The following TRPS1 variants were observed in gnomAD, a reference collection of about 807,000 sequenced individuals.
The protein encoded by TRPS1 is transcriptional repressor GATA binding 1.
Under a neutral mutation model 101.2 loss-of-function variants are expected in TRPS1, and 6 were observed. That is an observed-to-expected ratio of 0.06 (90% CI 0.03 to 0.12). The LOEUF (loss-of-function observed/expected upper bound fraction) is 0.12. Ranked by LOEUF, TRPS1 falls within the 10% of genes least tolerant of loss-of-function variation. TRPS1 has a pLI of 1.00. For synonymous variants in TRPS1, 578 were observed against 589.8 expected (o/e 0.98, Z 0.29); for missense variants, 1,363 against 1,567.0 (o/e 0.87, Z 2.20).
At chr8:115,590,879 A>G (rs1467059461) in intron 4 of TRPS1, among the ~76,000 whole-genome samples, 3 of 152,100 alleles carry the variant, frequency 2.0e-5, no homozygotes, top group African/African-American at 7.2e-5. Context: ...CACATTCCGT[A>G]CTGTTTCTGC....
intron 5 of TRPS1, among the ~76,000 whole-genome samples, chr8:115,432,314 T>C (rs1180637): frequency 1 from 151,850 of 151,850 alleles, 75,925 homozygotes; most frequent in Non-Finnish European, 1. Flanking sequence ...TTTGTACTCT[T>C]TGAAAGAAAT....
At position 115,604,431 on chromosome 8, in the gene TRPS1, T is replaced by C; in HGVS notation, c.1538A>G (p.Lys513Arg). The part of the protein sequence containing the change: ...SEGETMTKTD[K>R]SSSGAKKKDF... ...CTTCTTTTTAGCCCCACTCGAGCTC[T>C]TGTCTGTCTTGGTCATTGTCTCTCC... Residue 513 changes from lysine (K) to arginine (R), a missense_variant, in exon 4 of 7, where the codon AAG becomes AGG. Transcript: ENST00000395715. This position sits in a 1 kb window ranked among gnomAD's most constrained non-coding sequence, Gnocchi z 4.1. The C allele has an allele frequency of 6.8e-6, 11 of 1,614,120 alleles. No homozygotes were observed. The highest frequency in any genetic ancestry group is 9.3e-6 in the Non-Finnish European group (11 of 1,179,990).
chr8:115,638,128 C>A (rs1273812742), intron 1 of TRPS1, among the ~76,000 whole-genome samples: 3 of 152,150 alleles, frequency 2.0e-5, no homozygotes, highest in Non-Finnish European at 4.4e-5. Flanking sequence ...GGCTTCAACA[C>A]AACACACCTC....
rs1297123643 is a variant in TRPS1, at chr8:115,584,227, A to G, written c.2700+2774T>C. The stretch of plus-strand genomic sequence containing the variant: ...TACTTAATTCTTGATATCACTCTGT[A>G]TAGTATTTTTAAATGATTAAGTTTT... On this transcript the variant is annotated intron_variant, in intron 5 of 6. Coordinates refer to ENST00000395715, the MANE Select transcript of TRPS1 (RefSeq NM_014112.5). 2.6e-5 allele frequency among the ~76,000 whole-genome samples: 4 copies of G among 152,010 alleles called. No individual in the cohort carries two copies. In the Middle Eastern group the frequency reaches 9.6e-3, roughly 363 times the overall value.
chr8:115,498,305 A>C (rs1586334333), intron 5 of TRPS1, among the ~76,000 whole-genome samples: 1 of 150,048 alleles, frequency 6.7e-6, no homozygotes, highest in Admixed American at 6.7e-5. Context: ...CTGAGCCTCT[A>C]AAGTCTATGC....
intron 5 of TRPS1, among the ~76,000 whole-genome samples, chr8:115,434,644 C>T (rs972278901): frequency 6.6e-6 from 1 of 152,070 alleles, no homozygotes; most frequent in African/African-American, 2.4e-5. Flanking sequence ...GTGTGATTCG[C>T]CCTTGGAATT....
chr8:115,497,859 T>C (rs765917615), intron 5 of TRPS1, among the ~76,000 whole-genome samples: 13 of 152,196 alleles, frequency 8.5e-5, no homozygotes, highest in Non-Finnish European at 1.6e-4. Context: ...ATTCTTGTGA[T>C]ATTAAAATTT....
chr8:115,619,392 T>G lies in TRPS1; in HGVS notation c.706A>C (p.Lys236Gln). The G allele has an allele frequency of 6.2e-7, 1 of 1,614,200 alleles. No individual in the cohort carries two copies. Among genetic ancestry groups the G allele is most frequent in the Non-Finnish European group, 8.5e-7 (1 of 1,180,034 alleles). Residue 236 changes from lysine (K) to glutamine (Q), a missense_variant, in exon 3 of 7, where the codon AAA becomes CAA. Around this residue, in one of 5 missense-constraint regions of TRPS1, gnomAD observed 1,020 missense variants for 1,073.0 expected, o/e 0.95. Transcript: ENST00000395715. The part of the protein sequence containing the change: ...APLSPELQDF[K>Q]CNICGYGYYG... ...TAACCATATCCACAGATATTGCATT[T>G]AAAGTCCTGAAGCTCTGGAGACAGA...
At chr8:115,516,885 A>G (rs905431013) in intron 5 of TRPS1, among the ~76,000 whole-genome samples, 6 of 151,720 alleles carry the variant, frequency 4.0e-5, no homozygotes, top group Admixed American at 2.6e-4. Flanking sequence ...ATAATAAAAC[A>G]ATCTTCTACA....
At chr8:115,472,125 C>T (rs899622624) in intron 5 of TRPS1, among the ~76,000 whole-genome samples, 2 of 152,242 alleles carry the variant, frequency 1.3e-5, no homozygotes, top group African/African-American at 2.4e-5. Context: ...TCCTACCGCA[C>T]ATTTCCCTTC....
At position 115,551,032 on chromosome 8, in the gene TRPS1, C is replaced by A. The variant is rs555216545; in HGVS notation, c.2700+35969G>T. Among the ~76,000 whole-genome samples, 6 of 152,256 alleles carry A rather than the reference C, an allele frequency of 3.9e-5. No individual in the cohort carries two copies. In the South Asian group the frequency reaches 1.2e-3, roughly 32 times the overall value. ...GAGGACTTCTGTGTAAAGACTCCAG[C>A]CTTCACTCTGAATAAAAGGCACATG... On this transcript the variant is annotated intron_variant, in intron 5 of 6. Transcript: ENST00000395715.
intron 5 of TRPS1, among the ~76,000 whole-genome samples, chr8:115,552,902 G>A (rs1011420101): frequency 1.3e-5 from 2 of 151,814 alleles, no homozygotes; most frequent in African/African-American, 4.8e-5. Flanking sequence ...CACAGTGAAA[G>A]GTTCATCCAA....
chr8:115,575,986 C>T (rs1817308336), intron 5 of TRPS1, among the ~76,000 whole-genome samples: 1 of 152,048 alleles, frequency 6.6e-6, no homozygotes, highest in Non-Finnish European at 1.5e-5. Flanking sequence ...TGACTGTGAA[C>T]AAAACAGGCA....
chr8:115,578,933 T>C (rs1420953949), intron 5 of TRPS1, among the ~76,000 whole-genome samples: 1 of 152,088 alleles, frequency 6.6e-6, no homozygotes, highest in Non-Finnish European at 1.5e-5. Context: ...CAAGTATTTA[T>C]TAGCAAACCA....
At chr8:115,528,922 A>C (rs1036129259) in intron 5 of TRPS1, among the ~76,000 whole-genome samples, 2 of 152,110 alleles carry the variant, frequency 1.3e-5, no homozygotes, top group Non-Finnish European at 2.9e-5. Context: ...AGAATCACAA[A>C]TCAGAGTAGC....
chr8:115,479,220 C>A (rs1034228740), intron 5 of TRPS1, among the ~76,000 whole-genome samples: 1 of 152,034 alleles, frequency 6.6e-6, no homozygotes. Context: ...TAATTGAACA[C>A]TTCGTCAAAA....
Position 115,414,237 on chromosome 8 carries a change from T to G in TRPS1, c.3671A>C (p.Asp1224Ala), listed in dbSNP as rs764366814. 3.7e-6 allele frequency: 6 copies of G among 1,613,980 alleles called. No individual in the cohort carries two copies. The change falls in exon 7 of 7, where the codon GAT becomes GCT. Residue 1224 changes from aspartate to alanine, a missense_variant. Physicochemically the swap from Asp to Ala is moderately radical, Grantham distance 126 (BLOSUM62 -2). Coordinates refer to ENST00000395715, the MANE Select transcript of TRPS1 (RefSeq NM_014112.5). This position sits in a 1 kb window ranked among gnomAD's most constrained non-coding sequence, Gnocchi z 4.8. ...GTGCACACATTTTGTTGAAAGTTCA[T>G]CTTGAGTACTTCTATCAACTTTCTC... is the stretch of plus-strand genomic sequence containing the variant. ...KTEKVDRSTQ[D>A]ELSTKCVHCG... is the part of the protein sequence containing the mutation.
intron 1 of TRPS1, among the ~76,000 whole-genome samples, chr8:115,632,663 A>T (rs2721951): frequency 6.6e-6 from 1 of 152,218 alleles, no homozygotes; most frequent in African/African-American, 2.4e-5. Flanking sequence ...ACAAATGAAC[A>T]AACTACATAC....
intron 5 of TRPS1, among the ~76,000 whole-genome samples, chr8:115,574,341 G>A (rs1026836553): frequency 6.6e-6 from 1 of 152,066 alleles, no homozygotes; most frequent in African/African-American, 2.4e-5. Context: ...GAATCCATAT[G>A]AATACCAATA....
Sources: allele counts gnomAD v4.1 joint callset (sites outside exome capture counted in the v4.1 genomes callset), GRCh38; gene constraint gnomAD v4.1.1; regional missense constraint gnomAD v4.1.1; non-coding constraint Gnocchi (gnomAD v3.1); transcripts MANE v1.5; gene names NCBI Gene and HGNC (gene_info 2026-07-23, HGNC 2026-07-21).